Variants in KCNH1 observed in about 807,000 individuals in gnomAD.
The protein encoded by KCNH1 is voltage-gated delayed rectifier potassium channel KCNH1.
Under a neutral mutation model 69.2 loss-of-function variants are expected in KCNH1, and 27 were observed. The observed-to-expected ratio is 0.39, with a 90% CI of 0.29 to 0.54. KCNH1 has a LOEUF of 0.54. KCNH1 is among the 20% of genes least tolerant of loss of function. The probability of loss-of-function intolerance (pLI) is 0.68; values close to 1 mark genes in which losing one functional copy is unlikely to be tolerated. For synonymous variants in KCNH1, 456 were observed against 487.7 expected (o/e 0.93, Z 0.86); for missense variants, 798 against 1,261.6 (o/e 0.63, Z 5.57).
At chr1:211,120,734 G>A (rs1267990582) in intron 1 of KCNH1, among the ~76,000 whole-genome samples, 1 of 152,130 alleles carries the variant, frequency 6.6e-6, no homozygotes, top group Non-Finnish European at 1.5e-5. Flanking sequence ...TTTCAAGGAA[G>A]TCAAGTTGTC....
intron 3 of KCNH1, among the ~76,000 whole-genome samples, chr1:211,098,532 C>A (rs774067425): frequency 1.4e-4 from 22 of 152,222 alleles, no homozygotes; most frequent in Admixed American, 6.5e-5. Context: ...TAATTACTCT[C>A]AACTCCCCAA....
Position 210,971,615 on chromosome 1 carries a change from C to T in KCNH1, c.1032+47168G>A, listed in dbSNP as rs184201712. The stretch of plus-strand genomic sequence containing the variant: ...TATTACACAATGTTGTGCTACCGTG[C>T]ATCTCTTCCTAACAGATATTCAGTG... On this transcript the variant is annotated intron_variant, in intron 6 of 10. Coordinates refer to ENST00000271751, the MANE Select transcript of KCNH1 (RefSeq NM_172362.3). Among the ~76,000 whole-genome samples, 28 of 152,240 alleles carry T rather than the reference C, an allele frequency of 1.8e-4. 1 individual carries two copies. Among genetic ancestry groups the T allele is most frequent in the Admixed American group, 3.3e-4 (5 of 15,272 alleles).
intron 10 of KCNH1, among the ~76,000 whole-genome samples, chr1:210,690,175 C>A (rs749305948): frequency 6.6e-6 from 1 of 152,184 alleles, no homozygotes; most frequent in Non-Finnish European, 1.5e-5. Context: ...CCTGCAACCA[C>A]CTTTAACTCT....
At position 210,843,654 on chromosome 1, in the gene KCNH1, A is replaced by T. The variant is rs536161489; in HGVS notation, c.1463-39488T>A. Among the ~76,000 whole-genome samples the T allele has an allele frequency of 1.1e-4, 17 of 152,334 alleles. No individual in the cohort carries two copies. The East Asian group carries it at 3.3e-3, about 29-fold the overall frequency. ...TGGCACACAGTATTTACCAGAGGTC[A>T]CAGGATCATGTCCATTTAATGCATG... On this transcript the variant is annotated intron_variant, in intron 7 of 10. Coordinates refer to ENST00000271751, the MANE Select transcript of KCNH1 (RefSeq NM_172362.3).
At chr1:210,786,721 A>G (rs533265762) in intron 9 of KCNH1, among the ~76,000 whole-genome samples, 1 of 152,286 alleles carries the variant, frequency 6.6e-6, no homozygotes, top group Admixed American at 6.5e-5. Flanking sequence ...CCACAGATCT[A>G]AAAATGGAAC....
At chr1:211,106,016 T>C (rs1461530599) in intron 2 of KCNH1, among the ~76,000 whole-genome samples, 2 of 152,238 alleles carry the variant, frequency 1.3e-5, no homozygotes, top group African/African-American at 4.8e-5. Context: ...TAGAAGAGTA[T>C]TTTATTTTAA....
chr1:210,905,679 C>T (rs1406843816), intron 7 of KCNH1, among the ~76,000 whole-genome samples: 8 of 152,010 alleles, frequency 5.3e-5, no homozygotes, highest in South Asian at 2.1e-4. Context: ...TAAAACTGGC[C>T]TACCCTCTCG....
At chr1:210,801,601 G>A (rs368654413) in intron 8 of KCNH1, among the ~76,000 whole-genome samples, 45 of 152,290 alleles carry the variant, frequency 3.0e-4, no homozygotes, top group Middle Eastern at 3.4e-3. Context: ...GTCTCCCATG[G>A]GCAGCCACCC....
At chr1:210,968,984 A>T (rs1688463471) in intron 6 of KCNH1, among the ~76,000 whole-genome samples, 1 of 152,130 alleles carries the variant, frequency 6.6e-6, no homozygotes, top group South Asian at 2.1e-4. Context: ...AGCTTTTATC[A>T]GGAAATGTTT....
chr1:210,847,671 G>A (rs1307477289), intron 7 of KCNH1, among the ~76,000 whole-genome samples: 2 of 151,880 alleles, frequency 1.3e-5, no homozygotes, highest in African/African-American at 4.8e-5. Context: ...GATGGCACAT[G>A]TATACATATG....
At chr1:211,067,910 T>C (rs1210345820) in intron 5 of KCNH1, among the ~76,000 whole-genome samples, 2 of 152,212 alleles carry the variant, frequency 1.3e-5, no homozygotes, top group Non-Finnish European at 2.9e-5. Flanking sequence ...TCCTCCTCTG[T>C]AAAACCGCTC....
chr1:211,073,117 G>A (rs183133007), intron 5 of KCNH1, among the ~76,000 whole-genome samples: 2 of 152,206 alleles, frequency 1.3e-5, no homozygotes, highest in Non-Finnish European at 1.5e-5. Context: ...AGCAAGAAAA[G>A]TTATCAGAAA....
chr1:211,017,420 C>T (rs1028213730), intron 6 of KCNH1, among the ~76,000 whole-genome samples: 5 of 152,112 alleles, frequency 3.3e-5, no homozygotes, highest in African/African-American at 1.2e-4. Context: ...TCTTGAGCCT[C>T]AACTTGGCTT....
rs189969017 is a variant in KCNH1, at chr1:211,004,606, G to C, written c.1032+14177C>G. Among the ~76,000 whole-genome samples the C allele has an allele frequency of 1.4e-4, 21 of 152,014 alleles. No individual in the cohort carries two copies. In the East Asian group the frequency reaches 3.7e-3, roughly 27 times the overall value. On this transcript the variant is annotated intron_variant, in intron 6 of 10. Transcript: ENST00000271751. ...AGGAGAGGAGAAAAAGAGAAAAAGT[G>C]AAACAACTAAGAGCAAATAGCAAGA...
At chr1:210,895,081 T>C (rs1037035103) in intron 7 of KCNH1, among the ~76,000 whole-genome samples, 2 of 152,208 alleles carry the variant, frequency 1.3e-5, no homozygotes, top group Non-Finnish European at 2.9e-5. Context: ...TTAGGGATCA[T>C]TGTCCTTTGT....
In KCNH1 at chr1:210,788,696, T is replaced by C. The variant is rs1445966067; in HGVS notation, c.1915+8812A>G. On this transcript the variant is annotated intron_variant, in intron 9 of 10. Coordinates refer to ENST00000271751, the MANE Select transcript of KCNH1 (RefSeq NM_172362.3). ...ATTATAGCTTCTTTCTTTTTTTTTTTTTTTTTTTTTTTTTTTTTGAGACGG... is the reference window on the plus strand; with the variant it reads ...ATTATAGCTTCTTTCTTTTTTTTTTCTTTTTTTTTTTTTTTTTTGAGACGG... Among the ~76,000 whole-genome samples the C allele has an allele frequency of 7.0e-3, 637 of 91,048 alleles. 21 individuals are homozygous for C. The highest frequency in any genetic ancestry group is 0.027 in the African/African-American group (609 of 22,948). The allele number at this position is 91,048 out of a possible 152,430, so 59.7% of individuals were successfully genotyped here.
intron 10 of KCNH1, among the ~76,000 whole-genome samples, chr1:210,755,496 T>C (rs1683380212): frequency 6.6e-6 from 1 of 152,202 alleles, no homozygotes; most frequent in African/African-American, 2.4e-5. Context: ...ACTCCGCGGC[T>C]ACATTCATCC....
chr1:210,853,849 T>C (rs1685764095), intron 7 of KCNH1, among the ~76,000 whole-genome samples: 1 of 150,550 alleles, frequency 6.6e-6, no homozygotes, highest in Non-Finnish European at 1.5e-5. Context: ...TCTTGTGAAT[T>C]GTTTGTTGAG....
intron 5 of KCNH1, among the ~76,000 whole-genome samples, chr1:211,051,093 G>A (rs865948197): frequency 6.6e-6 from 1 of 152,020 alleles, no homozygotes; most frequent in Non-Finnish European, 1.5e-5. Flanking sequence ...CGCCTCCCGG[G>A]TTCAAGTGAT....
Sources: allele counts gnomAD v4.1 joint callset (sites outside exome capture counted in the v4.1 genomes callset), GRCh38; gene constraint gnomAD v4.1.1; transcripts MANE v1.5; gene names NCBI Gene and HGNC (gene_info 2026-07-23, HGNC 2026-07-21).